Variants in TEX29 observed in about 807,000 individuals in gnomAD.
TEX29 encodes the protein testis-expressed protein 29.
A neutral mutation model predicts 18.2 loss-of-function variants in TEX29; 26 were observed. The ratio of observed to expected loss-of-function variants is 1.43; its 90% CI spans 1.04 to 1.98. The LOEUF (loss-of-function observed/expected upper bound fraction) is 1.98, where lower values mean the gene tolerates loss of function less well. TEX29 is among the 30% of genes most tolerant of loss of function. The probability of loss-of-function intolerance (pLI) is 0.00; values close to 1 mark genes in which losing one functional copy is unlikely to be tolerated. For synonymous variants in TEX29, 83 were observed against 78.5 expected, an observed-to-expected ratio of 1.06 and a Z score of -0.31; for missense variants, 177 against 194.2, an observed-to-expected ratio of 0.91 and a Z score of 0.53.
upstream of TEX29, among the ~76,000 whole-genome samples, chr13:111,319,858 T>C (rs1023832230): frequency 1.3e-5 from 2 of 152,226 alleles, no homozygotes; most frequent in Non-Finnish European, 2.9e-5. Context: ...TTCTTCCTCA[T>C]GAGTATCCCG....
intron 3 of TEX29, among the ~76,000 whole-genome samples, chr13:111,334,754 A>C (rs1321034819): frequency 6.6e-6 from 1 of 152,206 alleles, no homozygotes; most frequent in Non-Finnish European, 1.5e-5. Context: ...CCTGGGGAAA[A>C]AGCTGTTCTC....
intron 3 of TEX29, among the ~76,000 whole-genome samples, chr13:111,334,121 C>T (rs114776772): frequency 1.3e-3 from 202 of 152,232 alleles, no homozygotes; most frequent in African/African-American, 4.4e-3. Context: ...ATGTATATGG[C>T]CATACTTTCT....
chr13:111,333,884 C>G (rs2093686095), intron 3 of TEX29, among the ~76,000 whole-genome samples: 1 of 152,210 alleles, frequency 6.6e-6, no homozygotes, highest in Non-Finnish European at 1.5e-5. Context: ...CACCTCCCAC[C>G]AGGTCCCTCG....
upstream of TEX29, among the ~76,000 whole-genome samples, chr13:111,319,347 C>T (rs779980608): frequency 1.2e-4 from 19 of 152,160 alleles, no homozygotes; most frequent in African/African-American, 4.1e-4. Flanking sequence ...AATGACTAAG[C>T]GAAATGTGGC....
intron 3 of TEX29, among the ~76,000 whole-genome samples, chr13:111,338,139 G>A (rs541930177): frequency 1.3e-5 from 2 of 152,300 alleles, no homozygotes; most frequent in East Asian, 1.9e-4. Context: ...TCTGGGGTGG[G>A]TTGAATTGTG....
chr13:111,322,776 G>T (rs949074661), intron 2 of TEX29, among the ~76,000 whole-genome samples: 3 of 152,230 alleles, frequency 2.0e-5, no homozygotes, highest in African/African-American at 4.8e-5. Context: ...ACACTGTGGC[G>T]TGGCTGTTTT....
At chr13:111,329,781 G>A (rs140870780) in intron 3 of TEX29, among the ~76,000 whole-genome samples, 5 of 152,222 alleles carry the variant, frequency 3.3e-5, no homozygotes, top group South Asian at 2.1e-4. Context: ...TGAGGGTCTC[G>A]TTCCAGTGGC....
intron 2 of TEX29, among the ~76,000 whole-genome samples, chr13:111,323,232 G>T (rs1426399535): frequency 6.6e-6 from 1 of 152,246 alleles, no homozygotes; most frequent in Non-Finnish European, 1.5e-5. Flanking sequence ...CCCCTAGCAG[G>T]TGATGGCCTG....
In TEX29 at chr13:111,344,204, G is replaced by A; in HGVS notation, c.*81G>A. 1 of 1,170,168 alleles carries A rather than the reference G, an allele frequency of 8.5e-7. No individual in the cohort carries two copies. Among genetic ancestry groups the A allele is most frequent in the Non-Finnish European group, 1.2e-6 (1 of 800,076 alleles). The allele number at this position is 1,170,168 out of a possible 1,614,324, so 72.5% of individuals were successfully genotyped here. On this transcript the variant is annotated 3_prime_UTR_variant, in exon 6 of 6. Coordinates refer to ENST00000283547, the MANE Select transcript of TEX29 (RefSeq NM_152324.3). ...CAGGTGCACTGTTAACAGTGTGATG[G>A]AATGACCACCCAAAGAGAAAAAAAT...
chr13:111,319,055 G>C (rs1051762768), upstream of TEX29, among the ~76,000 whole-genome samples: 1 of 152,092 alleles, frequency 6.6e-6, no homozygotes, highest in Non-Finnish European at 1.5e-5. Flanking sequence ...TTTAATGGGG[G>C]CACGATTCCC....
chr13:111,328,917 C>A (rs575558079), intron 3 of TEX29, among the ~76,000 whole-genome samples: 1 of 152,314 alleles, frequency 6.6e-6, no homozygotes, highest in East Asian at 1.9e-4. Flanking sequence ...GAGGGAGGCG[C>A]GCCCTTCAGA....
chr13:111,326,164 G>A (rs566634531), intron 2 of TEX29, among the ~76,000 whole-genome samples: 67 of 150,650 alleles, frequency 4.4e-4, no homozygotes, highest in African/African-American at 1.5e-3. Flanking sequence ...CGGGCATCAC[G>A]AGCTGGGTGC....
At chr13:111,320,191 C>T (rs1386470630), upstream of TEX29, among the ~76,000 whole-genome samples, 1 of 152,232 alleles carries the variant, frequency 6.6e-6, no homozygotes, top group Non-Finnish European at 1.5e-5. Context: ...CCAGCCTGGC[C>T]CACGCCCTGA....
At chr13:111,338,635 G>A (rs185309503) in intron 3 of TEX29, among the ~76,000 whole-genome samples, 158 of 152,294 alleles carry the variant, frequency 1.0e-3, no homozygotes, top group Admixed American at 2.0e-3. Flanking sequence ...GAAGCAAATC[G>A]TGTCACCTGC....
chr13:111,320,990 G>C, intron 2 of TEX29, 42 bp downstream of exon 2: 7 of 404,298 alleles, frequency 1.7e-5, no homozygotes, highest in East Asian at 7.3e-5. Context: ...GGGTGGGGGA[G>C]CAGTTGGGGG....
chr13:111,321,634 A>T (rs989393080), intron 2 of TEX29, among the ~76,000 whole-genome samples: 1 of 152,002 alleles, frequency 6.6e-6, no homozygotes, highest in South Asian at 2.1e-4. Context: ...ACAAAAAAAA[A>T]CCCAAGAAAA....
rs559434738 is a variant in TEX29, at chr13:111,322,965, C to T, written c.58+2017C>T. On this transcript the variant is annotated intron_variant, in intron 2 of 5. Coordinates refer to ENST00000283547, the MANE Select transcript of TEX29 (RefSeq NM_152324.3). ...GCCCTGCAGCTCAGGCCCTCTCTGC[C>T]ACCCACCCCTGGGTCTGAACCCAAG... 4.6e-5 allele frequency among the ~76,000 whole-genome samples: 7 copies of T among 152,314 alleles called. No homozygotes were observed. In the South Asian group the frequency reaches 1.0e-3, roughly 23 times the overall value.
At chr13:111,336,157 C>A (rs1280862785) in intron 3 of TEX29, among the ~76,000 whole-genome samples, 2 of 152,170 alleles carry the variant, frequency 1.3e-5, no homozygotes, top group African/African-American at 4.8e-5. Flanking sequence ...TGGAAGCAAC[C>A]ATTAAGTTCT....
At position 111,342,859 on chromosome 13, in the gene TEX29, G is replaced by A. The variant is rs2093698858; in HGVS notation, c.343G>A (p.Gly115Arg). The A allele has an allele frequency of 1.2e-6, 2 of 1,614,102 alleles. No individual in the cohort carries two copies. The highest frequency in any genetic ancestry group is 1.7e-6 in the Non-Finnish European group (2 of 1,180,060). Residue 115 changes from glycine (G) to arginine (R), a missense_variant, in exon 5 of 6, where the codon GGG becomes AGG. Coordinates refer to ENST00000283547, the MANE Select transcript of TEX29 (RefSeq NM_152324.3). ...AELASSSSKLGLKPASPGPPS... is the reference protein window; with the variant it reads ...AELASSSSKLRLKPASPGPPS... ...GTTGGCCTCATCCAGCAGCAAGTTA[G>A]GGCTGAAGCCTGCGAGTCCTGGGCC...
Sources: allele counts gnomAD v4.1 joint callset (sites outside exome capture counted in the v4.1 genomes callset), GRCh38; gene constraint gnomAD v4.1.1; transcripts MANE v1.5; gene names NCBI Gene and HGNC (gene_info 2026-07-23, HGNC 2026-07-21).